CPNE4: variants seen among roughly 807,000 people sequenced by gnomAD.
The protein encoded by CPNE4 is copine 4.
Under a neutral mutation model 67.9 loss-of-function variants are expected in CPNE4, and 25 were observed. The ratio of observed to expected loss-of-function variants is 0.37; its 90% confidence interval spans 0.27 to 0.51. The LOEUF (loss-of-function observed/expected upper bound fraction) is 0.51. Among genes scored for constraint, CPNE4 ranks in the 20% least tolerant of loss-of-function variants. The pLI, the probability that CPNE4 is intolerant of heterozygous loss-of-function variation, is 0.93. For missense variants in CPNE4, 464 were observed against 690.8 expected (o/e 0.67, Z 3.68); for synonymous variants, 242 against 244.9 (o/e 0.99, Z 0.11).
At chr3:132,035,131 G>C, upstream of CPNE4, 1 of 903,490 alleles carries the variant, frequency 1.1e-6, no homozygotes, top group Middle Eastern at 5.7e-4. Flanking sequence ...CTCAGGCCCC[G>C]CCCAGGCCTT....
intron 2 of CPNE4, among the ~76,000 whole-genome samples, chr3:131,835,536 A>T (rs2085522259): frequency 6.6e-6 from 1 of 152,114 alleles, no homozygotes; most frequent in South Asian, 2.1e-4. Flanking sequence ...CTCAAAAAAA[A>T]AAAGTCCCAG....
chr3:131,716,928 T>TG (rs1317726238), intron 3 of CPNE4, among the ~76,000 whole-genome samples: 12 of 152,368 alleles, frequency 7.9e-5, no homozygotes, highest in African/African-American at 2.6e-4. Flanking sequence ...CCTCAGACTC[T>TG]GACCCTGCCC....
At position 131,703,382 on chromosome 3, in the gene CPNE4, G is replaced by A. The variant is rs554748331; in HGVS notation, c.361-3402C>T. Among the ~76,000 whole-genome samples, 4 of 152,330 alleles carry A rather than the reference G, an allele frequency of 2.6e-5. No individual in the cohort carries two copies. The South Asian group carries it at 6.2e-4, about 24-fold the overall frequency. Reference sequence around the variant, plus strand: ...AAACCTTAGTATTCAACAAAAGGGTGAAGTGTAGAGGGAGGATTTAGAAGT... The same window carrying A: ...AAACCTTAGTATTCAACAAAAGGGTAAAGTGTAGAGGGAGGATTTAGAAGT... On this transcript the variant is annotated intron_variant, in intron 3 of 15. Transcript: ENST00000429747.
At chr3:131,856,635 CCTA>C (rs2086455769) in intron 2 of CPNE4, among the ~76,000 whole-genome samples, 1 of 151,878 alleles carries the variant, frequency 6.6e-6, no homozygotes, top group African/African-American at 2.4e-5. Flanking sequence ...ATAGGTAAAA[CCTA>C]CTGAGAAATG....
chr3:131,935,365 T>C (rs1217310199), intron 1 of CPNE4, among the ~76,000 whole-genome samples: 1 of 152,180 alleles, frequency 6.6e-6, no homozygotes, highest in Non-Finnish European at 1.5e-5. Flanking sequence ...AACAAGGTAA[T>C]AGAATCACTG....
chr3:131,789,023 CACACACACACACAG>C (rs1029067589), intron 2 of CPNE4, among the ~76,000 whole-genome samples: 2 of 147,218 alleles, frequency 1.4e-5, no homozygotes, highest in East Asian at 4.2e-4. Context: ...CACACACACA[CACACACACACACAG>C]AGAGAGAGAG....
chr3:131,660,411 A>T (rs2080093710), intron 7 of CPNE4, among the ~76,000 whole-genome samples: 1 of 152,164 alleles, frequency 6.6e-6, no homozygotes, highest in Non-Finnish European at 1.5e-5. Context: ...GATGGGAAGG[A>T]TGATGTGTTT....
At chr3:131,667,149 T>A (rs1409511119) in intron 7 of CPNE4, among the ~76,000 whole-genome samples, 3 of 152,168 alleles carry the variant, frequency 2.0e-5, no homozygotes, top group African/African-American at 7.2e-5. Flanking sequence ...CATGGGCCCC[T>A]TTTAACACAA....
At chr3:131,612,775 A>G (rs1308285954) in intron 7 of CPNE4, among the ~76,000 whole-genome samples, 1 of 152,196 alleles carries the variant, frequency 6.6e-6, no homozygotes, top group Non-Finnish European at 1.5e-5. Context: ...GTTGTTGTCT[A>G]TTGATCACAG....
At chr3:131,942,514 G>GAGAGAGA (rs1244798502) in intron 1 of CPNE4, among the ~76,000 whole-genome samples, 19 of 108,096 alleles carry the variant, frequency 1.8e-4, no homozygotes, top group African/African-American at 6.4e-4. Context: ...GAGAGAGAGA[G>GAGAGAGA]ATCATTTTAT....
chr3:131,708,993 T>TATATATATATATATATAC (rs1440194300), intron 3 of CPNE4, among the ~76,000 whole-genome samples: 6 of 104,914 alleles, frequency 5.7e-5, no homozygotes, highest in African/African-American at 7.5e-5. Context: ...TATATATATA[T>TATATATATATATATATAC]ATACATACAC....
chr3:131,700,987 C>T (rs572857307), intron 3 of CPNE4, among the ~76,000 whole-genome samples: 82 of 151,384 alleles, frequency 5.4e-4, no homozygotes, highest in Non-Finnish European at 8.8e-4. Flanking sequence ...AGCAAACTAT[C>T]GCAAGGACAA....
chr3:131,645,140 G>A (rs2079633478), intron 7 of CPNE4, among the ~76,000 whole-genome samples: 1 of 152,200 alleles, frequency 6.6e-6, no homozygotes, highest in Non-Finnish European at 1.5e-5. Context: ...TGCTGTTATT[G>A]CCACTATCCA....
intron 1 of CPNE4, among the ~76,000 whole-genome samples, chr3:132,007,426 G>T (rs2073639011): frequency 6.6e-6 from 1 of 152,138 alleles, no homozygotes; most frequent in South Asian, 2.1e-4. Context: ...GAACCTCACT[G>T]AATCCCCAAC....
At chr3:131,855,574 T>C (rs1051747142) in intron 2 of CPNE4, among the ~76,000 whole-genome samples, 2 of 151,980 alleles carry the variant, frequency 1.3e-5, no homozygotes, top group African/African-American at 4.8e-5. Context: ...CCTTCTTGAA[T>C]TGGTTTAGAA....
At chr3:131,762,563 T>C (rs1379752667) in intron 2 of CPNE4, among the ~76,000 whole-genome samples, 1 of 151,840 alleles carries the variant, frequency 6.6e-6, no homozygotes, top group African/African-American at 2.4e-5. Flanking sequence ...GATAGAACAG[T>C]GAATGTGAGA....
intron 1 of CPNE4, among the ~76,000 whole-genome samples, chr3:132,003,673 T>A (rs1353374644): frequency 6.6e-6 from 1 of 152,090 alleles, no homozygotes; most frequent in Non-Finnish European, 1.5e-5. Flanking sequence ...TTGAATTATA[T>A]TACACAAACC....
chr3:131,870,155 T>A (rs1425887874), intron 2 of CPNE4, among the ~76,000 whole-genome samples: 1 of 152,122 alleles, frequency 6.6e-6, no homozygotes, highest in Non-Finnish European at 1.5e-5. Flanking sequence ...AGCCTCTTAG[T>A]GGAATCACAA....
At chr3:131,581,774 A>G (rs1937852656) in intron 8 of CPNE4, 109 bp from the exon 9 acceptor site, 2 of 757,950 alleles carry the variant, frequency 2.6e-6, no homozygotes, top group East Asian at 2.5e-5. Flanking sequence ...AGGGCTGACA[A>G]ATAGTCTCTA....
Sources: gnomAD v4.1 joint callset for allele counts (sites outside exome capture counted in the v4.1 genomes callset) on GRCh38, gnomAD v4.1.1 for gene constraint, MANE v1.5 for transcripts, NCBI Gene and HGNC (gene_info 2026-07-23, HGNC 2026-07-21) for gene names.